PTPRG: variants seen among roughly 807,000 people sequenced by gnomAD.
PTPRG encodes receptor-type tyrosine-protein phosphatase gamma.
In PTPRG, 102 loss-of-function variants were observed where a neutral mutation model predicts 165.3. The observed-to-expected ratio is 0.62, with a 90% CI of 0.53 to 0.73. The LOEUF (loss-of-function observed/expected upper bound fraction) is 0.73, where lower values mean the gene tolerates loss of function less well. Among genes scored for constraint, PTPRG ranks in the 30% least tolerant of loss-of-function variants. PTPRG has a pLI of 0.00. For synonymous variants in PTPRG, 675 were observed against 669.5 expected, an observed-to-expected ratio of 1.01 and a Z score of -0.13; for missense variants, 1,866 against 1,861.4, an observed-to-expected ratio of 1.00 and a Z score of -0.05.
chr3:62,034,870 T>A (rs940303484), intron 4 of PTPRG, among the ~76,000 whole-genome samples: 1 of 152,218 alleles, frequency 6.6e-6, no homozygotes, highest in African/African-American at 2.4e-5. Flanking sequence ...TCAATAAATG[T>A]AATGGGAGCA....
intron 5 of PTPRG, chr3:62,124,381 C>G: frequency 2.5e-6 from 4 of 1,613,172 alleles, no homozygotes; most frequent in Non-Finnish European, 3.4e-6. Context: ...CCAGGGTGAT[C>G]TGCAGGTCCA....
At chr3:62,157,023 A>G (rs374015909) in intron 6 of PTPRG, 44 bp from the exon 7 acceptor site, 71 of 1,528,822 alleles carry the variant, frequency 4.6e-5, no homozygotes, top group Non-Finnish European at 4.8e-5. Flanking sequence ...TCGGAATGGC[A>G]TGACTTACCA....
Position 61,811,801 on chromosome 3 carries a change from T to G in PTPRG, c.190+62819T>G, listed in dbSNP as rs564391073. Among the ~76,000 whole-genome samples the G allele has an allele frequency of 5.3e-5, 8 of 152,250 alleles. No homozygotes were observed. In the South Asian group the frequency reaches 1.7e-3, roughly 32 times the overall value. On this transcript the variant is annotated intron_variant, in intron 2 of 29. Coordinates refer to ENST00000474889, the MANE Select transcript of PTPRG (RefSeq NM_002841.4). ...TTCCCACAGGCTTAAAATATAAAAA[T>G]TCCCTCAAGAGTGCTGACAGCATAC...
chr3:62,267,731 A>G lies in PTPRG; in HGVS notation c.2786A>G (p.Lys929Arg). The change falls in exon 19 of 30, where the codon AAG becomes AGG. Residue 929 changes from lysine to arginine, a missense_variant. This residue lies in a region of PTPRG where 1,452 missense variants were observed against 1,463.0 expected (regional missense o/e 0.99). Coordinates refer to ENST00000474889, the MANE Select transcript of PTPRG (RefSeq NM_002841.4). ...KAYIATQGPL[K>R]STFEDFWRMI... ...TACATTGCCACCCAAGGACCTTTGAAGTCTACATTTGAAGATTTCTGGAGG... is the reference window on the plus strand; with the variant it reads ...TACATTGCCACCCAAGGACCTTTGAGGTCTACATTTGAAGATTTCTGGAGG... 6.2e-7 allele frequency: 1 copy of G among 1,613,546 alleles called. No homozygotes were observed.
intron 1 of PTPRG, among the ~76,000 whole-genome samples, chr3:61,573,469 A>G (rs1173844754): frequency 6.7e-6 from 1 of 148,354 alleles, no homozygotes; most frequent in Non-Finnish European, 1.5e-5. Context: ...TGAACTTTGT[A>G]CAATAGAGTG....
At position 61,989,712 on chromosome 3, in the gene PTPRG, C is replaced by T. The variant is rs1559731824; in HGVS notation, c.278C>T (p.Ala93Val). Residue 93 changes from alanine to valine, a missense_variant, in exon 3 of 30, where the codon GCG becomes GTG. Transcript: ENST00000474889. ...QSPIDILDQY[A>V]RVGEEYQELQ... ...CCTATTGACATTTTAGACCAGTATG[C>T]GCGTGTTGGGGAAGAATACCAGGAA... 12 of 1,614,100 alleles carry T rather than the reference C, an allele frequency of 7.4e-6. No individual in the cohort carries two copies. Among genetic ancestry groups the T allele is most frequent in the East Asian group, 6.7e-5 (3 of 44,882 alleles).
intron 2 of PTPRG, among the ~76,000 whole-genome samples, chr3:61,826,456 C>T (rs989318950): frequency 6.6e-5 from 10 of 152,026 alleles, no homozygotes; most frequent in Non-Finnish European, 1.5e-4. Context: ...CCTCCCAACC[C>T]CACAAAAATG....
At chr3:62,104,976 C>T (rs1429749104) in intron 5 of PTPRG, among the ~76,000 whole-genome samples, 1 of 151,976 alleles carries the variant, frequency 6.6e-6, no homozygotes, top group Non-Finnish European at 1.5e-5. Context: ...TTTTAGTTTG[C>T]CTATTCATCT....
At chr3:61,661,659 CTTTG>C (rs542509542) in intron 1 of PTPRG, among the ~76,000 whole-genome samples, 220 of 152,102 alleles carry the variant, frequency 1.4e-3, no homozygotes, top group African/African-American at 4.7e-3. Context: ...GGATAAAGAG[CTTTG>C]TTTGTTTGTT....
intron 1 of PTPRG, among the ~76,000 whole-genome samples, chr3:61,617,774 C>G (rs907865179): frequency 6.6e-6 from 1 of 151,682 alleles, no homozygotes; most frequent in African/African-American, 2.4e-5. Flanking sequence ...CTCTTTACTT[C>G]TGTGAGTTAA....
chr3:61,654,519 T>G (rs1337840173), intron 1 of PTPRG, among the ~76,000 whole-genome samples: 2 of 151,146 alleles, frequency 1.3e-5, no homozygotes, highest in Non-Finnish European at 3.0e-5. Context: ...TGAGTAGATG[T>G]GACTAGAGGC....
chr3:61,579,693 C>G (rs992886262), intron 1 of PTPRG, among the ~76,000 whole-genome samples: 1 of 152,200 alleles, frequency 6.6e-6, no homozygotes, highest in East Asian at 1.9e-4. Context: ...ACCATCTACG[C>G]GCAGCTTGTG....
At chr3:61,733,321 G>T (rs560040629) in intron 1 of PTPRG, among the ~76,000 whole-genome samples, 1 of 152,248 alleles carries the variant, frequency 6.6e-6, no homozygotes, top group South Asian at 2.1e-4. Context: ...GGTCCCAGTG[G>T]AGCTTCCTTT....
intron 2 of PTPRG, among the ~76,000 whole-genome samples, chr3:61,818,348 G>T (rs1432117597): frequency 6.6e-6 from 1 of 152,124 alleles, no homozygotes; most frequent in Non-Finnish European, 1.5e-5. Flanking sequence ...CAGAATTGAA[G>T]AGAAAGATGG....
chr3:62,146,705 T>C (rs1308809702), intron 6 of PTPRG, among the ~76,000 whole-genome samples: 2 of 151,952 alleles, frequency 1.3e-5, no homozygotes, highest in African/African-American at 2.4e-5. Flanking sequence ...AGGTGACTGA[T>C]AGCAAATATT....
In PTPRG at chr3:62,159,994, G is replaced by A. The variant is rs577706514; in HGVS notation, c.840+2770G>A. Among the ~76,000 whole-genome samples, 168 of 152,322 alleles carry A rather than the reference G, an allele frequency of 1.1e-3. 4 individuals carry two copies. Among genetic ancestry groups the A allele is most frequent in the Non-Finnish European group, 2.1e-4 (14 of 68,024 alleles). On this transcript the variant is annotated intron_variant, in intron 7 of 29. Coordinates refer to ENST00000474889, the MANE Select transcript of PTPRG (RefSeq NM_002841.4). ...ATTCTTTCTGAAGTTAGCACAGAATGTTCATTTCAGAAAGGCGAACAGCCA... is the reference window on the plus strand; with the variant it reads ...ATTCTTTCTGAAGTTAGCACAGAATATTCATTTCAGAAAGGCGAACAGCCA...
At chr3:61,939,516 ATTGT>A (rs1295892208) in intron 2 of PTPRG, among the ~76,000 whole-genome samples, 1 of 152,198 alleles carries the variant, frequency 6.6e-6, no homozygotes, top group East Asian at 1.9e-4. Flanking sequence ...ATTTTATAAG[ATTGT>A]TTAAGGTTTA....
chr3:61,703,453 T>C (rs2031084503), intron 1 of PTPRG, among the ~76,000 whole-genome samples: 1 of 152,210 alleles, frequency 6.6e-6, no homozygotes, highest in Non-Finnish European at 1.5e-5. Flanking sequence ...TATTTCGTAG[T>C]ATGGGCATTA....
chr3:61,858,793 T>C (rs1358222990), intron 2 of PTPRG, among the ~76,000 whole-genome samples: 1 of 152,198 alleles, frequency 6.6e-6, no homozygotes, highest in Non-Finnish European at 1.5e-5. Context: ...TGCCTCAGTG[T>C]GTATTTGGAG....
Sources: gnomAD v4.1 joint callset for allele counts (sites outside exome capture counted in the v4.1 genomes callset) on GRCh38, gnomAD v4.1.1 for gene constraint, gnomAD v4.1.1 regional missense constraint, MANE v1.5 for transcripts, NCBI Gene and HGNC (gene_info 2026-07-23, HGNC 2026-07-21) for gene names.